Variants in NHS observed in about 807,000 individuals in gnomAD.
The protein encoded by NHS is NHS actin remodeling regulator, also known as actin remodeling regulator NHS.
Under a neutral mutation model 72.5 loss-of-function variants are expected in NHS, and 5 were observed. That is an observed-to-expected ratio of 0.07 (90% CI 0.04 to 0.14). The LOEUF is 0.14. Ranked by LOEUF, NHS falls within the 10% of genes least tolerant of loss-of-function variation. The pLI, the probability that NHS is intolerant of heterozygous loss-of-function variation, is 1.00. For synonymous variants in NHS, 464 were observed against 547.7 expected, an observed-to-expected ratio of 0.85 and a Z score of 2.13; for missense variants, 1,072 against 1,355.7, an observed-to-expected ratio of 0.79 and a Z score of 3.29.
chrX:17,433,775 G>A (rs1196842001), intron 1 of NHS, among the ~76,000 whole-genome samples: 1 of 112,187 alleles, frequency 8.9e-6, no homozygotes, highest in Non-Finnish European at 1.9e-5. Context: ...GTGGTTCAAG[G>A]TGATTTTTCT....
At chrX:17,428,903 A>G (rs903138179) in intron 1 of NHS, among the ~76,000 whole-genome samples, 5 of 111,162 alleles carry the variant, frequency 4.5e-5, no homozygotes, top group African/African-American at 1.3e-4. Context: ...CACCACAACC[A>G]AAGCTTTTGC....
chrX:17,521,201 G>C (rs1319208200), intron 1 of NHS, among the ~76,000 whole-genome samples: 3 of 111,446 alleles, frequency 2.7e-5, no homozygotes, highest in Admixed American at 1.9e-4. Flanking sequence ...GTTCCAGAAA[G>C]TCTAGTTGGA....
intron 1 of NHS, among the ~76,000 whole-genome samples, chrX:17,540,240 T>C (rs2065256187): frequency 9.0e-6 from 1 of 110,761 alleles, no homozygotes; most frequent in Non-Finnish European, 1.9e-5. Context: ...TAGGGAGGAG[T>C]TGCTGAGGAC....
intron 1 of NHS, among the ~76,000 whole-genome samples, chrX:17,674,876 T>G (rs1317534534): frequency 1.8e-5 from 2 of 111,859 alleles, no homozygotes; most frequent in Non-Finnish European, 3.8e-5. Flanking sequence ...GTGGCAGAGT[T>G]CACGAGTCAA....
chrX:17,389,085 G>A (rs2064426056), intron 1 of NHS, among the ~76,000 whole-genome samples: 1 of 111,777 alleles, frequency 8.9e-6, no homozygotes, highest in African/African-American at 3.3e-5. Context: ...TGATTAATCT[G>A]CTGTCTTGGA....
chrX:17,488,470 C>G (rs954928180), intron 1 of NHS, among the ~76,000 whole-genome samples: 1 of 110,966 alleles, frequency 9.0e-6, no homozygotes, highest in Non-Finnish European at 1.9e-5. Flanking sequence ...TATGCAATCA[C>G]CACATCCAGA....
At chrX:17,421,570 GTTTATTTTAT>G (rs1031132624) in intron 1 of NHS, among the ~76,000 whole-genome samples, 5 of 110,498 alleles carry the variant, frequency 4.5e-5, no homozygotes, top group Admixed American at 9.6e-5. Context: ...TGTACTTTTT[GTTTATTTTAT>G]TTTATTTTAT....
intron 1 of NHS, chrX:17,552,431 T>C (rs1244348839): frequency 1.8e-5 from 2 of 112,093 alleles, no homozygotes; most frequent in Non-Finnish European, 3.8e-5. Context: ...GCTCAGCAGC[T>C]GAACAGTGCT....
chrX:17,578,524 T>G (rs2065523387), intron 1 of NHS, among the ~76,000 whole-genome samples: 1 of 112,009 alleles, frequency 8.9e-6, no homozygotes, highest in Non-Finnish European at 1.9e-5. Context: ...CTCTGTGAAG[T>G]GGGGCTGGAA....
chrX:17,734,825 C>T lies in NHS; in HGVS notation c.*2361C>T, dbSNP rs1017315043. 2 of 112,162 alleles carry T rather than the reference C, an allele frequency of 1.8e-5. No individual in the cohort carries two copies. The highest frequency in any genetic ancestry group is 3.8e-5 in the Non-Finnish European group (2 of 53,220). 9.2% of individuals were successfully genotyped at this position (112,162 alleles called of 1,213,427 possible). On this transcript the variant is annotated 3_prime_UTR_variant, in exon 9 of 9. Transcript: ENST00000676302. ...GTCATTTCCAGTCACAGTAGGCGAT[C>T]TTTCGTAATTTCATAAAAGCAGTTC...
rs745505544 is a variant in NHS at position 17,672,328 on chromosome X, C to G, written c.566-15414C>G. 4.6e-4 allele frequency among the ~76,000 whole-genome samples: 51 copies of G among 111,986 alleles called. 1 individual carries two copies. Among genetic ancestry groups the G allele is most frequent in the Admixed American group, 1.9e-4 (2 of 10,626 alleles). On this transcript the variant is annotated intron_variant, in intron 1 of 8. Transcript: ENST00000676302. ...GTAGATGACTTCTAAGGTCTCTGTA[C>G]TCATCTTCATCAAGAACATGAAAGG...
At chrX:17,412,559 T>G (rs758288166) in intron 1 of NHS, among the ~76,000 whole-genome samples, 2,119 of 111,110 alleles carry the variant, frequency 0.019, 38 homozygotes, top group Middle Eastern at 0.041. Flanking sequence ...ATCACGTCAC[T>G]GCACTCCAGC....
intron 1 of NHS, among the ~76,000 whole-genome samples, chrX:17,426,244 T>C (rs746978441): frequency 8.2e-4 from 92 of 112,171 alleles, no homozygotes; most frequent in Non-Finnish European, 1.6e-3. Context: ...CCACCACCCA[T>C]GCTTGTGAAA....
At chrX:17,409,339 A>G (rs1461510034) in intron 1 of NHS, among the ~76,000 whole-genome samples, 1 of 110,029 alleles carries the variant, frequency 9.1e-6, no homozygotes, top group Admixed American at 9.8e-5. Flanking sequence ...AATTGAACAT[A>G]GGTTTACTGT....
chrX:17,645,119 C>A (rs1357387569), intron 1 of NHS, among the ~76,000 whole-genome samples: 1 of 111,304 alleles, frequency 9.0e-6, no homozygotes, highest in Non-Finnish European at 1.9e-5. Context: ...ATTTGTAGAC[C>A]CCAAAGTCTC....
chrX:17,470,675 T>C lies in NHS; in HGVS notation c.565+94353T>C, dbSNP rs185781482. ...TAAATATGCCACAGGTCCTTTGCAC[T>C]TATTGTTTCCTCTGGCTGGAATTCT... On this transcript the variant is annotated intron_variant, in intron 1 of 8. Transcript: ENST00000676302. Among the ~76,000 whole-genome samples the C allele has an allele frequency of 1.5e-3, 164 of 111,265 alleles. 1 individual carries two copies. The highest frequency in any genetic ancestry group is 4.9e-3 in the African/African-American group (151 of 30,604).
At chrX:17,560,709 T>C (rs1381213261) in intron 1 of NHS, among the ~76,000 whole-genome samples, 1 of 112,693 alleles carries the variant, frequency 8.9e-6, no homozygotes, top group Non-Finnish European at 1.9e-5. Flanking sequence ...GGCCCCAGCA[T>C]AAAGATTTGC....
At chrX:17,552,843 C>G (rs1328370215) in intron 1 of NHS, among the ~76,000 whole-genome samples, 3 of 112,820 alleles carry the variant, frequency 2.7e-5, no homozygotes, top group Non-Finnish European at 5.6e-5. Flanking sequence ...CCAGCCCAGA[C>G]CTACTGGATT....
At position 17,719,371 on chromosome X, in the gene NHS, ACTGAATG is replaced by A; in HGVS notation, c.881_887del (p.Thr294IlefsTer4). 1 of 1,166,963 alleles carries A rather than the reference ACTGAATG, an allele frequency of 8.6e-7. No homozygotes were observed. Among genetic ancestry groups the A allele is most frequent in the Non-Finnish European group, 1.1e-6 (1 of 872,594 alleles). On this transcript the variant is annotated frameshift_variant, in exon 4 of 9. Transcript: ENST00000676302. LOFTEE classifies it high-confidence loss of function. ...TAACAGCACCCGTTCGCCCTCCCCC[ACTGAATG>A]TTGCCACATGACCCCGTGGAGTAGA...
Sources: allele counts gnomAD v4.1 joint callset (sites outside exome capture counted in the v4.1 genomes callset), GRCh38; gene constraint gnomAD v4.1.1; transcripts MANE v1.5; gene names NCBI Gene and HGNC (gene_info 2026-07-23, HGNC 2026-07-21).